Variants in KIAA1217 observed in about 807,000 individuals in gnomAD.
KIAA1217 encodes the protein sickle tail protein homolog.
Under a neutral mutation model 163.9 loss-of-function variants are expected in KIAA1217, and 88 were observed. The observed-to-expected ratio is 0.54, with a 90% CI of 0.45 to 0.64. The LOEUF is 0.64. KIAA1217 is among the 30% of genes least tolerant of loss of function. KIAA1217 has a pLI of 0.00. For synonymous variants in KIAA1217, 903 were observed against 923.1 expected, an observed-to-expected ratio of 0.98 and a Z score of 0.39; for missense variants, 2,372 against 2,475.0, an observed-to-expected ratio of 0.96 and a Z score of 0.88.
chr10:23,854,565 T>C (rs1372100705), intron 1 of KIAA1217, among the ~76,000 whole-genome samples: 1 of 152,178 alleles, frequency 6.6e-6, no homozygotes, highest in Admixed American at 6.5e-5. Context: ...TTCCTGGGTA[T>C]CCTTGTTAAC....
chr10:24,320,093 G>C (rs183304211), intron 2 of KIAA1217, among the ~76,000 whole-genome samples: 2 of 152,246 alleles, frequency 1.3e-5, no homozygotes. Flanking sequence ...GGAATTATAT[G>C]TATGATATGA....
intron 2 of KIAA1217, among the ~76,000 whole-genome samples, chr10:24,308,323 A>G (rs1453220762): frequency 6.6e-6 from 1 of 152,234 alleles, no homozygotes; most frequent in African/African-American, 2.4e-5. Context: ...ATGCTGTTAG[A>G]TAATATGCTG....
Position 24,288,535 on chromosome 10 carries a change from G to A in KIAA1217, c.354+68626G>A, listed in dbSNP as rs543342820. ...TTAACCTGTCCTCAAGCCTTAGTGG[G>A]AGAGATGGCACAGAATTGCTATATA... On this transcript the variant is annotated intron_variant, in intron 2 of 20. Coordinates refer to ENST00000376454, the MANE Select transcript of KIAA1217 (RefSeq NM_019590.5). 1.1e-4 allele frequency among the ~76,000 whole-genome samples: 16 copies of A among 152,324 alleles called. No individual in the cohort carries two copies. In the South Asian group the frequency reaches 3.3e-3, roughly 32 times the overall value.
intron 3 of KIAA1217, among the ~76,000 whole-genome samples, chr10:24,417,441 C>T (rs1001551825): frequency 6.6e-6 from 1 of 152,270 alleles, no homozygotes; most frequent in African/African-American, 2.4e-5. Flanking sequence ...CGCTTGAGGG[C>T]CACATGAATA....
At chr10:23,898,292 A>C (rs557483410) in intron 1 of KIAA1217, among the ~76,000 whole-genome samples, 1 of 145,722 alleles carries the variant, frequency 6.9e-6, no homozygotes, top group East Asian at 2.0e-4. Context: ...TATATTTATA[A>C]GACTATATAT....
At chr10:23,856,533 T>C (rs1353761807) in intron 1 of KIAA1217, among the ~76,000 whole-genome samples, 1 of 152,196 alleles carries the variant, frequency 6.6e-6, no homozygotes, top group East Asian at 1.9e-4. Flanking sequence ...GAACCACTGC[T>C]CTCTTCAAAG....
At chr10:23,871,863 C>T (rs561608257) in intron 1 of KIAA1217, among the ~76,000 whole-genome samples, 1 of 152,200 alleles carries the variant, frequency 6.6e-6, no homozygotes, top group South Asian at 2.1e-4. Context: ...CGTGTCATTT[C>T]AAATTTCCCA....
At chr10:23,776,914 C>T (rs1282445649) in intron 1 of KIAA1217, among the ~76,000 whole-genome samples, 1 of 151,554 alleles carries the variant, frequency 6.6e-6, no homozygotes, top group Non-Finnish European at 1.5e-5. Flanking sequence ...ACAGTCCTGG[C>T]CTCAAGTGCT....
chr10:24,409,217 C>T (rs992669581), intron 3 of KIAA1217, among the ~76,000 whole-genome samples: 1 of 152,128 alleles, frequency 6.6e-6, no homozygotes, highest in Non-Finnish European at 1.5e-5. Flanking sequence ...ACCCTGACAC[C>T]ACTTTACTTT....
intron 2 of KIAA1217, among the ~76,000 whole-genome samples, chr10:24,131,557 T>C (rs1490349120): frequency 1.3e-5 from 2 of 152,206 alleles, no homozygotes; most frequent in Non-Finnish European, 2.9e-5. Flanking sequence ...GAGACAAGTC[T>C]GTAAGTTAGC....
intron 2 of KIAA1217, among the ~76,000 whole-genome samples, chr10:24,110,370 T>C (rs376356930): frequency 1.3e-5 from 2 of 152,258 alleles, no homozygotes; most frequent in East Asian, 3.9e-4. Context: ...TGCAGATTCA[T>C]TTTTCAAAGG....
chr10:24,100,347 A>C (rs2062363251), intron 2 of KIAA1217, among the ~76,000 whole-genome samples: 1 of 152,192 alleles, frequency 6.6e-6, no homozygotes. Context: ...CAGAGAGGAC[A>C]CTCTGTGACT....
chr10:23,782,246 T>A (rs553403604), intron 1 of KIAA1217, among the ~76,000 whole-genome samples: 24 of 152,286 alleles, frequency 1.6e-4, no homozygotes, highest in African/African-American at 5.5e-4. Context: ...TCATTAGTCA[T>A]TTAATAGTTT....
intron 1 of KIAA1217, among the ~76,000 whole-genome samples, chr10:23,930,506 C>CA: frequency 6.6e-6 from 1 of 152,302 alleles, no homozygotes; most frequent in Non-Finnish European, 1.5e-5. Flanking sequence ...CATTTTTTCA[C>CA]ATTCGAATGT....
intron 1 of KIAA1217, among the ~76,000 whole-genome samples, chr10:23,898,206 T>A (rs1373290397): frequency 1.3e-5 from 2 of 151,986 alleles, no homozygotes; most frequent in East Asian, 3.9e-4. Flanking sequence ...AACCTGGAAC[T>A]CAGTTCTGTA....
At chr10:23,847,304 G>C (rs1839086189) in intron 1 of KIAA1217, among the ~76,000 whole-genome samples, 1 of 152,142 alleles carries the variant, frequency 6.6e-6, no homozygotes. Flanking sequence ...AGTTTCAGAA[G>C]AAATGGTAGC....
At chr10:23,853,091 C>A (rs182383864) in intron 1 of KIAA1217, among the ~76,000 whole-genome samples, 1 of 152,146 alleles carries the variant, frequency 6.6e-6, no homozygotes, top group Non-Finnish European at 1.5e-5. Context: ...TGTCTTGTGC[C>A]AGTTTTCAAA....
At position 23,790,313 on chromosome 10, in the gene KIAA1217, A is replaced by ACATATGCACATATG. The variant is rs1835756664; in HGVS notation, c.-321+95085_-321+95098dup. On this transcript the variant is annotated intron_variant, in intron 1 of 18. Coordinates refer to the KIAA1217 transcript ENST00000376462. ...TATGCATATGCACATATGCATATAT[A>ACATATGCACATATG]CATATGCACATATGCATATATGCAT... Among the ~76,000 whole-genome samples, 20 of 95,894 alleles carry ACATATGCACATATG rather than the reference A, an allele frequency of 2.1e-4. 5 individuals are homozygous for ACATATGCACATATG. Among genetic ancestry groups the ACATATGCACATATG allele is most frequent in the Admixed American group, 8.4e-4 (8 of 9,544 alleles). The allele number at this position is 95,894 out of a possible 152,430, so 62.9% of individuals were successfully genotyped here. A position where few individuals can be genotyped will look rare whatever the true frequency, so the allele number is the denominator to read the frequency against.
intron 2 of KIAA1217, among the ~76,000 whole-genome samples, chr10:24,252,632 A>G (rs2074687055): frequency 6.6e-6 from 1 of 152,166 alleles, no homozygotes; most frequent in Non-Finnish European, 1.5e-5. Flanking sequence ...ACATGTGATC[A>G]GATTTGGAAA....
Sources: allele counts gnomAD v4.1 joint callset (sites outside exome capture counted in the v4.1 genomes callset), GRCh38; gene constraint gnomAD v4.1.1; transcripts MANE v1.5; gene names NCBI Gene and HGNC (gene_info 2026-07-23, HGNC 2026-07-21).